The following CPNE8 variants were observed in gnomAD, a reference collection of about 807,000 sequenced individuals.
CPNE8 encodes the protein copine 8, also known as copine-8.
Under a neutral mutation model 81.5 loss-of-function variants are expected in CPNE8, and 45 were observed. The observed-to-expected ratio is 0.55, with a 90% CI of 0.44 to 0.71. The LOEUF (loss-of-function observed/expected upper bound fraction) is 0.71, where lower values mean the gene tolerates loss of function less well. Among genes scored for constraint, CPNE8 ranks in the 30% least tolerant of loss-of-function variants. The pLI, the probability that CPNE8 is intolerant of heterozygous loss-of-function variation, is 0.00. For missense variants in CPNE8, 594 were observed against 672.1 expected (o/e 0.88, Z 1.28); for synonymous variants, 252 against 226.3 (o/e 1.11, Z -1.02).
intron 6 of CPNE8, among the ~76,000 whole-genome samples, chr12:38,803,555 T>A (rs898062414): frequency 7.4e-6 from 1 of 135,730 alleles, no homozygotes; most frequent in Non-Finnish European, 1.6e-5. Context: ...AATATCATAC[T>A]GAATGGGCAA....
chr12:38,896,082 T>C (rs1291070394), intron 1 of CPNE8, among the ~76,000 whole-genome samples: 1 of 152,112 alleles, frequency 6.6e-6, no homozygotes, highest in Non-Finnish European at 1.5e-5. Context: ...TTGAGATTAA[T>C]TTAAAGAAAA....
intron 19 of CPNE8, among the ~76,000 whole-genome samples, chr12:38,654,767 G>C (rs1291639177): frequency 6.6e-6 from 1 of 152,062 alleles, no homozygotes; most frequent in Non-Finnish European, 1.5e-5. Flanking sequence ...GTCAAATGGA[G>C]TTAATATATG....
At chr12:38,789,121 C>T (rs113644584) in intron 6 of CPNE8, among the ~76,000 whole-genome samples, 5,191 of 151,762 alleles carry the variant, frequency 0.034, 274 homozygotes, top group East Asian at 0.19. Context: ...TATATGGAAC[C>T]ACAAAAGACC....
At chr12:38,749,872 G>C (rs1202246701) in intron 10 of CPNE8, among the ~76,000 whole-genome samples, 1 of 152,196 alleles carries the variant, frequency 6.6e-6, no homozygotes, top group Non-Finnish European at 1.5e-5. Flanking sequence ...AGAAATTCAA[G>C]TGGGCTGCAG....
At chr12:38,727,763 C>G (rs374175507) in intron 11 of CPNE8, among the ~76,000 whole-genome samples, 2 of 152,122 alleles carry the variant, frequency 1.3e-5, no homozygotes, top group Non-Finnish European at 1.5e-5. Flanking sequence ...AGATGCTTAT[C>G]GGGGGCTTTT....
intron 6 of CPNE8, among the ~76,000 whole-genome samples, chr12:38,787,261 C>T (rs1942214717): frequency 2.6e-5 from 4 of 152,006 alleles, no homozygotes; most frequent in Non-Finnish European, 5.9e-5. Flanking sequence ...AGCATTTTCT[C>T]TGACTACAAT....
chr12:38,905,778 T>G, upstream of CPNE8: 1 of 1,387,998 alleles, frequency 7.2e-7, no homozygotes. Context: ...GGATCCCGGT[T>G]TCCCAGCCCC....
intron 10 of CPNE8, among the ~76,000 whole-genome samples, chr12:38,735,758 G>A (rs560957494): frequency 6.6e-6 from 1 of 151,974 alleles, no homozygotes; most frequent in Non-Finnish European, 1.5e-5. Context: ...GCCAATCTCT[G>A]TCTAAATCTG....
At chr12:38,834,689 C>A (rs1465304998) in intron 5 of CPNE8, among the ~76,000 whole-genome samples, 6 of 152,084 alleles carry the variant, frequency 3.9e-5, no homozygotes, top group African/African-American at 1.4e-4. Context: ...ATGCATAAAT[C>A]AGATCACATC....
chr12:38,680,090 T>C (rs1027277048), intron 16 of CPNE8, among the ~76,000 whole-genome samples: 4 of 151,924 alleles, frequency 2.6e-5, no homozygotes, highest in African/African-American at 9.7e-5. Context: ...ATTACTATGA[T>C]ATATCTGAAA....
chr12:38,696,280 C>T (rs1204332578), intron 14 of CPNE8, among the ~76,000 whole-genome samples: 2 of 151,888 alleles, frequency 1.3e-5, no homozygotes, highest in African/African-American at 4.8e-5. Flanking sequence ...CCTCCTCCAA[C>T]TTATGTCTCA....
At chr12:38,792,286 TG>T (rs1354684006) in intron 6 of CPNE8, among the ~76,000 whole-genome samples, 1 of 137,132 alleles carries the variant, frequency 7.3e-6, no homozygotes, top group Admixed American at 7.7e-5. Flanking sequence ...AAAATATCAA[TG>T]AAACTAAGAG....
chr12:38,834,989 C>A (rs1309441057), intron 5 of CPNE8, among the ~76,000 whole-genome samples: 1 of 151,896 alleles, frequency 6.6e-6, no homozygotes, highest in African/African-American at 2.4e-5. Context: ...CTGGTTCAAG[C>A]GATTCTCCTG....
chr12:38,750,420 G>T (rs1038777561), intron 10 of CPNE8, among the ~76,000 whole-genome samples: 1 of 152,158 alleles, frequency 6.6e-6, no homozygotes, highest in Admixed American at 6.5e-5. Context: ...ACCTGGAAAA[G>T]CCACAGACAC....
At chr12:38,798,942 G>C (rs745998186) in intron 6 of CPNE8, among the ~76,000 whole-genome samples, 20 of 152,100 alleles carry the variant, frequency 1.3e-4, no homozygotes, top group Non-Finnish European at 2.6e-4. Flanking sequence ...AAGATCAAAA[G>C]AGACAAAGAA....
At chr12:38,749,229 C>T (rs959476221) in intron 10 of CPNE8, among the ~76,000 whole-genome samples, 2 of 152,210 alleles carry the variant, frequency 1.3e-5, no homozygotes, top group Non-Finnish European at 2.9e-5. Flanking sequence ...TGAGACTTGA[C>T]TTGCTCCTCC....
rs545780491 is a variant in CPNE8 at position 38,863,190 on chromosome 12, G to A, written c.186+9814C>T. Among the ~76,000 whole-genome samples the A allele has an allele frequency of 2.2e-4, 33 of 152,310 alleles. No individual in the cohort carries two copies. The Middle Eastern group carries it at 0.01, about 47-fold the overall frequency. On this transcript the variant is annotated intron_variant, in intron 3 of 19. Transcript: ENST00000331366. ...CAGAAAGTACACATGGCATACGTGC[G>A]TATTACAAGCAGTGTTATGCCAATA...
chr12:38,663,377 A>AATGG (rs1939000037), intron 19 of CPNE8, among the ~76,000 whole-genome samples: 1 of 152,154 alleles, frequency 6.6e-6, no homozygotes, highest in Non-Finnish European at 1.5e-5. Flanking sequence ...AAGAAGGCAC[A>AATGG]CAAATGGCCA....
In CPNE8 at chr12:38,878,376, A is replaced by G. The variant is rs1158007544; in HGVS notation, c.99-3865T>C. On this transcript the variant is annotated intron_variant, in intron 1 of 19. Coordinates refer to ENST00000331366, the MANE Select transcript of CPNE8 (RefSeq NM_153634.3). ...GTATTTTGCGTGAAATGTAAATTAA[A>G]AAGTAGATAAGCAGGAATTTAGCAA... Among the ~76,000 whole-genome samples, 4 of 152,148 alleles carry G rather than the reference A, an allele frequency of 2.6e-5. No homozygotes were observed. The East Asian group carries it at 7.7e-4, about 29-fold the overall frequency.
Sources: gnomAD v4.1 joint callset for allele counts (sites outside exome capture counted in the v4.1 genomes callset) on GRCh38, gnomAD v4.1.1 for gene constraint, MANE v1.5 for transcripts, NCBI Gene and HGNC (gene_info 2026-07-23, HGNC 2026-07-21) for gene names.